AXDND1: variants seen among roughly 807,000 people sequenced by gnomAD.
The protein encoded by AXDND1 is axonemal dynein light chain domain-containing protein 1.
A neutral mutation model predicts 137.5 loss-of-function variants in AXDND1; 110 were observed. The observed-to-expected ratio is 0.80, with a 90% confidence interval of 0.69 to 0.94. The LOEUF is 0.94. AXDND1 is among the 40% of genes least tolerant of loss of function. The pLI, the probability that AXDND1 is intolerant of heterozygous loss-of-function variation, is 0.00. For missense variants in AXDND1, 1,191 were observed against 1,169.8 expected, an observed-to-expected ratio of 1.02 and a Z score of -0.26; for synonymous variants, 414 against 399.7, an observed-to-expected ratio of 1.04 and a Z score of -0.43.
At chr1:179,519,986 C>T (rs553408717) in intron 21 of AXDND1, among the ~76,000 whole-genome samples, 2 of 144,430 alleles carry the variant, frequency 1.4e-5, no homozygotes, top group Non-Finnish European at 3.0e-5. Flanking sequence ...CCAGTATGGC[C>T]ATTTTAACGA....
chr1:179,491,860 T>G (rs780431930), intron 19 of AXDND1, 123 bp downstream of exon 19: 37 of 886,662 alleles, frequency 4.2e-5, no homozygotes, highest in Non-Finnish European at 5.9e-5. Context: ...CTAGTTCAGT[T>G]TTTCAACTAG....
Position 179,395,069 on chromosome 1 carries a change from G to T in AXDND1, c.1005-29G>T. The T allele has an allele frequency of 2.6e-6, 4 of 1,567,224 alleles. No individual in the cohort carries two copies. In the South Asian group the frequency reaches 4.7e-5, roughly 19 times the overall value. ...AAACTTTTTGGAAATCTCCAAATATGAATTAAAAATTTCTTTGCTTTATTT... is the reference window on the plus strand; with the variant it reads ...AAACTTTTTGGAAATCTCCAAATATTAATTAAAAATTTCTTTGCTTTATTT... On this transcript the variant is annotated intron_variant, in intron 10 of 25. Transcript: ENST00000367618.
At chr1:179,385,096 G>GTA in intron 8 of AXDND1, 142 bp from the exon 9 acceptor site, 2 of 754,522 alleles carry the variant, frequency 2.7e-6, no homozygotes, top group South Asian at 1.9e-5. Context: ...TATCACTTTT[G>GTA]TATATATATA....
intron 13 of AXDND1, 123 bp from the exon 14 acceptor site, chr1:179,430,329 T>G: frequency 1.3e-6 from 1 of 779,144 alleles, no homozygotes; most frequent in Non-Finnish European, 2.0e-6. Flanking sequence ...ACTTTTCAAT[T>G]TTTAATCAAT....
chr1:179,463,623 T>G (rs1375551015), intron 16 of AXDND1, among the ~76,000 whole-genome samples: 1 of 152,254 alleles, frequency 6.6e-6, no homozygotes, highest in Non-Finnish European at 1.5e-5. Flanking sequence ...GTTCTGTAGA[T>G]GTCAGTTAGG....
intron 20 of AXDND1, among the ~76,000 whole-genome samples, chr1:179,505,891 T>TA (rs768936227): frequency 3.9e-5 from 6 of 152,172 alleles, no homozygotes; most frequent in Non-Finnish European, 7.3e-5. Flanking sequence ...TCTGACCTCA[T>TA]ACAGCGGGAG....
chr1:179,528,509 T>G, intron 23 of AXDND1, 78 bp downstream of exon 23: 1 of 980,072 alleles, frequency 1.0e-6, no homozygotes, highest in Non-Finnish European at 1.6e-6. Flanking sequence ...AACATAACTT[T>G]TAGCTACTCT....
At chr1:179,491,785 A>G in intron 19 of AXDND1, 48 bp downstream of exon 19, 3 of 1,440,812 alleles carry the variant, frequency 2.1e-6, no homozygotes, top group South Asian at 1.4e-5. Flanking sequence ...TGAATGTCGC[A>G]TATAACAGAG....
rs537137775 is a variant in AXDND1, at chr1:179,554,646, T to A, written c.*127T>A. The A allele has an allele frequency of 7.0e-7, 1 of 1,430,606 alleles. No homozygotes were observed. The highest frequency in any genetic ancestry group is 1.4e-5 in the African/African-American group (1 of 71,286). 88.6% of individuals were successfully genotyped at this position (1,430,606 alleles called of 1,614,324 possible). On this transcript the variant is annotated 3_prime_UTR_variant, in exon 26 of 26. Coordinates refer to ENST00000367618, the MANE Select transcript of AXDND1 (RefSeq NM_144696.6). ...GAACAACATTCCCTTTGAAAGGACA[T>A]TATTTGCCTGTTGTATTTAACTTCA...
chr1:179,415,560 A>G (rs1021533304), intron 12 of AXDND1, among the ~76,000 whole-genome samples: 2 of 152,202 alleles, frequency 1.3e-5, no homozygotes, highest in Admixed American at 6.5e-5. Flanking sequence ...ATGGTCGCAG[A>G]ACTGTGAAAC....
Position 179,525,326 on chromosome 1 carries a change from T to C in AXDND1, c.2497-8T>C, listed in dbSNP as rs1670427762. 1.2e-6 allele frequency: 2 copies of C among 1,604,978 alleles called. No homozygotes were observed. Among genetic ancestry groups the C allele is most frequent in the Non-Finnish European group, 1.7e-6 (2 of 1,176,170 alleles). ...ACCCTTTAATCATAATATTGGTTCA[T>C]CTCACAGGAGGCTGTAAAAGAATTC... On this transcript the variant is annotated splice_polypyrimidine_tract_variant and splice_region_variant and intron_variant, in intron 21 of 25. Coordinates refer to ENST00000367618, the MANE Select transcript of AXDND1 (RefSeq NM_144696.6).
chr1:179,490,734 G>C, intron 18 of AXDND1, among the ~76,000 whole-genome samples: 1 of 147,858 alleles, frequency 6.8e-6, no homozygotes, highest in East Asian at 2.0e-4. Context: ...TTCATTTCCT[G>C]TTCCATGTTA....
At chr1:179,471,485 T>C (rs1473610732) in intron 17 of AXDND1, among the ~76,000 whole-genome samples, 1 of 152,238 alleles carries the variant, frequency 6.6e-6, no homozygotes. Context: ...ATCTGATTTG[T>C]TGGCAAAATT....
rs548931004 is a variant in AXDND1 at position 179,384,025 on chromosome 1, A to C, written c.741+481A>C. On this transcript the variant is annotated intron_variant, in intron 8 of 25. Coordinates refer to ENST00000367618, the MANE Select transcript of AXDND1 (RefSeq NM_144696.6). Reference sequence around the variant, plus strand: ...CAGGCATGAACCACCGCACCAGGCCACCACTTGTAATTTTTATTTTCTACT... The same window carrying C: ...CAGGCATGAACCACCGCACCAGGCCCCCACTTGTAATTTTTATTTTCTACT... Among the ~76,000 whole-genome samples the C allele has an allele frequency of 3.8e-3, 578 of 151,994 alleles. 5 individuals carry two copies. Among genetic ancestry groups the C allele is most frequent in the African/African-American group, 0.013 (549 of 41,482 alleles).
chr1:179,488,639 CTTTCTTTCTTTCTTT>C (rs1666414477), intron 18 of AXDND1, among the ~76,000 whole-genome samples: 1 of 50,366 alleles, frequency 2.0e-5, no homozygotes, highest in Non-Finnish European at 4.3e-5. Flanking sequence ...TCTCTCCTTT[CTTTCTTTCTTTCTTT>C]CTTTCTTTCT....
chr1:179,480,169 A>G (rs1665186315), intron 17 of AXDND1, among the ~76,000 whole-genome samples: 1 of 152,128 alleles, frequency 6.6e-6, no homozygotes, highest in Admixed American at 6.5e-5. Context: ...GTACCGATTT[A>G]CTGTGTTAGT....
chr1:179,441,079 G>A (rs1284934637), intron 15 of AXDND1, among the ~76,000 whole-genome samples: 2 of 152,192 alleles, frequency 1.3e-5, no homozygotes, highest in African/African-American at 2.4e-5. Flanking sequence ...TCCCTGAAAC[G>A]GGGTTGAGGT....
At chr1:179,494,552 T>A (rs907901947) in intron 20 of AXDND1, among the ~76,000 whole-genome samples, 1 of 152,030 alleles carries the variant, frequency 6.6e-6, no homozygotes, top group Non-Finnish European at 1.5e-5. Flanking sequence ...TTTTTTTTTT[T>A]TTCCTAAGAT....
intron 11 of AXDND1, among the ~76,000 whole-genome samples, chr1:179,409,369 T>A (rs548968720): frequency 7.9e-5 from 12 of 152,316 alleles, no homozygotes; most frequent in African/African-American, 1.2e-4. Flanking sequence ...AGGGGTTTTT[T>A]AAAAAAATAT....
Sources: allele counts gnomAD v4.1 joint callset (sites outside exome capture counted in the v4.1 genomes callset), GRCh38; gene constraint gnomAD v4.1.1; transcripts MANE v1.5; gene names NCBI Gene and HGNC (gene_info 2026-07-23, HGNC 2026-07-21).